Variants in C1D observed in about 807,000 individuals in gnomAD.
C1D encodes nuclear nucleic acid-binding protein C1D.
Under a neutral mutation model 17.5 loss-of-function variants are expected in C1D, and 10 were observed. The ratio of observed to expected loss-of-function variants is 0.57; its 90% CI spans 0.35 to 0.97. C1D has a LOEUF of 0.97. Ranked by LOEUF, C1D falls within the 50% of genes least tolerant of loss-of-function variation. The pLI is 0.01. For missense variants in C1D, 136 were observed against 160.1 expected (o/e 0.85, Z 0.81); for synonymous variants, 49 against 54.0 (o/e 0.91, Z 0.40).
Position 68,042,806 on chromosome 2 carries a change from G to A in C1D, c.*83C>T. ...TTAATAAGAAACACATTTAAACCTT[G>A]CCCTGCCACAGAATTATTTTGCGGG... On this transcript the variant is annotated 3_prime_UTR_variant, in exon 5 of 5. Transcript: ENST00000410067. 1.6e-6 allele frequency: 1 copy of A among 644,966 alleles called. No homozygotes were observed. The highest frequency in any genetic ancestry group is 2.7e-6 in the Non-Finnish European group (1 of 373,114). 40.0% of individuals were successfully genotyped at this position (644,966 alleles called of 1,614,324 possible). A position where few individuals can be genotyped will look rare whatever the true frequency, so the allele number is the denominator to read the frequency against.
chr2:68,058,150 G>T (rs1671493209), intron 1 of C1D, among the ~76,000 whole-genome samples: 1 of 152,176 alleles, frequency 6.6e-6, no homozygotes, highest in South Asian at 2.1e-4. Flanking sequence ...ATGTAAATGA[G>T]TAATATTTAC....
At chr2:68,055,371 G>A (rs1190679495) in intron 1 of C1D, among the ~76,000 whole-genome samples, 1 of 152,028 alleles carries the variant, frequency 6.6e-6, no homozygotes, top group Non-Finnish European at 1.5e-5. Flanking sequence ...CCAAAGGATA[G>A]AGGAACAAAT....
chr2:68,057,147 C>T (rs572785174), intron 1 of C1D, among the ~76,000 whole-genome samples: 1 of 151,828 alleles, frequency 6.6e-6, no homozygotes, highest in Admixed American at 6.6e-5. Context: ...TATAATACAT[C>T]CTATTTATTT....
At chr2:68,059,024 C>T (rs2103817305) in intron 1 of C1D, among the ~76,000 whole-genome samples, 1 of 152,282 alleles carries the variant, frequency 6.6e-6, no homozygotes, top group Admixed American at 6.5e-5. Context: ...GCAGGAATAC[C>T]TGAGGCTGGG....
At chr2:68,052,503 G>A (rs536503468) in intron 1 of C1D, among the ~76,000 whole-genome samples, 1 of 152,126 alleles carries the variant, frequency 6.6e-6, no homozygotes, top group African/African-American at 2.4e-5. Context: ...ATTTTCCTAC[G>A]AGAAAATATT....
chr2:68,046,392 C>A lies in C1D; in HGVS notation c.157G>T (p.Ala53Ser). Reference sequence around the variant, plus strand: ...TATGCAGAAACCAAATCCACTTTTGCTTGTTCAAGTGGATCCAACTGTTAA... The same window carrying A: ...TATGCAGAAACCAAATCCACTTTTGATTGTTCAAGTGGATCCAACTGTTAA... ...LLQKLDPLEQ[A>S]KVDLVSAYTL... is the part of the protein sequence containing the mutation. The change falls in exon 3 of 5, where the codon GCA (alanine) becomes TCA (serine). Residue 53 changes from alanine (A) to serine (S), a missense_variant. Coordinates refer to ENST00000410067, the MANE Select transcript of C1D (RefSeq NM_173177.3). 1 of 1,611,428 alleles carries A rather than the reference C, an allele frequency of 6.2e-7. No homozygotes were observed.
intron 1 of C1D, among the ~76,000 whole-genome samples, chr2:68,047,964 T>C (rs909424889): frequency 9.9e-5 from 15 of 152,096 alleles, no homozygotes; most frequent in Non-Finnish European, 2.2e-4. Flanking sequence ...GCATATTATA[T>C]TCAACTAAAA....
chr2:68,061,157 C>T (rs553964978), intron 1 of C1D, among the ~76,000 whole-genome samples: 9 of 152,270 alleles, frequency 5.9e-5, no homozygotes, highest in Non-Finnish European at 1.2e-4. Flanking sequence ...TGTTGTTGCA[C>T]CAGAATTCTA....
intron 1 of C1D, among the ~76,000 whole-genome samples, chr2:68,054,581 T>C (rs967038630): frequency 6.6e-6 from 1 of 152,166 alleles, no homozygotes; most frequent in Admixed American, 6.5e-5. Flanking sequence ...ATTTTAATCA[T>C]AGCTTCAAAA....
rs184799218 is a variant in C1D, at chr2:68,060,558, G to A, written c.-10+2400C>T. 3.6e-3 allele frequency among the ~76,000 whole-genome samples: 543 copies of A among 151,526 alleles called. 2 individuals are homozygous for A. The highest frequency in any genetic ancestry group is 0.013 in the African/African-American group (526 of 41,348). On this transcript the variant is annotated intron_variant, in intron 1 of 4. Transcript: ENST00000410067. ...CTCCGGAGGCTGAGGCAGGAGAATC[G>A]TTGGAACCCAGGAGGCGGAGGTTGC... is the stretch of plus-strand genomic sequence containing the variant.
intron 1 of C1D, among the ~76,000 whole-genome samples, chr2:68,054,519 T>A (rs1160601671): frequency 1.3e-5 from 2 of 152,194 alleles, no homozygotes; most frequent in African/African-American, 2.4e-5. Context: ...ACTGATTGAA[T>A]CAGGCCCACC....
At chr2:68,046,160 TTATTCAATTTCCA>T (rs1671115067) in intron 3 of C1D, 117 bp from the exon 4 acceptor site, 4 of 864,652 alleles carry the variant, frequency 4.6e-6, no homozygotes, top group Non-Finnish European at 7.1e-6. Context: ...AAACTTTAAA[TTATTCAATTTCCA>T]TGTAATACTA....
rs771642711 is a variant in C1D, at chr2:68,047,266, G to A, written c.45C>T (p.His15=). ...AATTCTCAAACGCTGACAAATACTC[G>A]TGAATTTCTACTGGATAGTCTTCAT... ...EINEDYPVEI[H]EYLSAFENSI... Residue 15 remains histidine (H), a synonymous_variant, in exon 2 of 5, where the codon CAC becomes CAT. Coordinates refer to ENST00000410067, the MANE Select transcript of C1D (RefSeq NM_173177.3). The A allele has an allele frequency of 8.1e-6, 13 of 1,612,212 alleles. No homozygotes were observed. The highest frequency in any genetic ancestry group is 1.7e-4 in the Middle Eastern group (1 of 6,010).
intron 1 of C1D, among the ~76,000 whole-genome samples, chr2:68,053,695 T>C (rs1313901958): frequency 6.6e-6 from 1 of 152,238 alleles, no homozygotes; most frequent in African/African-American, 2.4e-5. Context: ...CATTATGATG[T>C]GGCCCTTGCT....
At chr2:68,049,642 A>G (rs1213168236) in intron 1 of C1D, among the ~76,000 whole-genome samples, 2 of 152,216 alleles carry the variant, frequency 1.3e-5, no homozygotes, top group Non-Finnish European at 2.9e-5. Context: ...ACCTTCAAGA[A>G]ACAGTTAACT....
At chr2:68,043,376 C>A (rs1671025581) in intron 4 of C1D, among the ~76,000 whole-genome samples, 1 of 152,042 alleles carries the variant, frequency 6.6e-6, no homozygotes, top group Non-Finnish European at 1.5e-5. Context: ...TTGAAAAACA[C>A]CATTAACATA....
chr2:68,053,471 T>G (rs1671345375), intron 1 of C1D, among the ~76,000 whole-genome samples: 1 of 152,198 alleles, frequency 6.6e-6, no homozygotes, highest in East Asian at 1.9e-4. Context: ...TTAATCTCCT[T>G]ACACCACAAG....
At chr2:68,050,012 T>C (rs1213500591) in intron 1 of C1D, among the ~76,000 whole-genome samples, 2 of 152,154 alleles carry the variant, frequency 1.3e-5, no homozygotes, top group East Asian at 1.9e-4. Flanking sequence ...TCATCACCTA[T>C]CAGATTGGCA....
chr2:68,048,595 T>C (rs1671199031), intron 1 of C1D, among the ~76,000 whole-genome samples: 1 of 152,208 alleles, frequency 6.6e-6, no homozygotes, highest in African/African-American at 2.4e-5. Context: ...TGAATGAGTA[T>C]ATTCCACTGA....
Sources: allele counts gnomAD v4.1 joint callset (sites outside exome capture counted in the v4.1 genomes callset), GRCh38; gene constraint gnomAD v4.1.1; transcripts MANE v1.5; gene names NCBI Gene and HGNC (gene_info 2026-07-23, HGNC 2026-07-21).